The following VPS36 variants were observed in gnomAD, a reference collection of about 807,000 sequenced individuals.
VPS36 encodes vacuolar protein-sorting-associated protein 36.
VPS36 carries 31 observed loss-of-function variants against 63.5 expected under a neutral mutation model. The ratio of observed to expected loss-of-function variants is 0.49; its 90% CI spans 0.37 to 0.66. VPS36 has a LOEUF of 0.66. Among genes scored for constraint, VPS36 ranks in the 30% least tolerant of loss-of-function variants. The pLI, the probability that VPS36 is intolerant of heterozygous loss-of-function variation, is 0.00. For synonymous variants in VPS36, 138 were observed against 157.2 expected (o/e 0.88, Z 0.91); for missense variants, 338 against 463.7 (o/e 0.73, Z 2.49).
intron 4 of VPS36, among the ~76,000 whole-genome samples, chr13:52,435,440 C>A (rs141211616): frequency 7.3e-5 from 11 of 151,574 alleles, no homozygotes; most frequent in Non-Finnish European, 1.6e-4. Flanking sequence ...GTGGGCTATT[C>A]TCAACAAAGA....
chr13:52,444,301 A>G (rs989079795), intron 1 of VPS36, among the ~76,000 whole-genome samples: 2 of 151,922 alleles, frequency 1.3e-5, no homozygotes. Flanking sequence ...ACTTTAAAAA[A>G]TACAAAAAAT....
At chr13:52,438,159 G>C (rs1958237927) in intron 3 of VPS36, among the ~76,000 whole-genome samples, 2 of 151,680 alleles carry the variant, frequency 1.3e-5, no homozygotes, top group Admixed American at 6.6e-5. Flanking sequence ...TTTTAGTTTA[G>C]ATTTCCTTGG....
In VPS36 at chr13:52,436,331, A is replaced by C. The variant is rs758434923; in HGVS notation, c.310T>G (p.Ser104Ala). Reference protein sequence around the residue: ...EPGPFQSSKNSYIKLSFKEHG... With the variant: ...EPGPFQSSKNAYIKLSFKEHG... ...TCTTTGAAGGAGAGTTTGATGTAGGAGTTCTTACTACTCTGGAATGGGCCA... is the reference window on the plus strand; with the variant it reads ...TCTTTGAAGGAGAGTTTGATGTAGGCGTTCTTACTACTCTGGAATGGGCCA... Residue 104 changes from serine to alanine, a missense_variant, in exon 4 of 14, where the codon TCC becomes GCC. Transcript: ENST00000378060. The C allele has an allele frequency of 9.3e-6, 15 of 1,613,144 alleles. No homozygotes were observed. The South Asian group carries it at 1.7e-4, about 18-fold the overall frequency.
rs191527803 is a variant in VPS36, at chr13:52,447,300, A to G, written c.96+3199T>C. ...TGAGATGAGCATTCTCATATGTAATATTTTTATGCATTTCTGATTATTTCC... is the reference window on the plus strand; with the variant it reads ...TGAGATGAGCATTCTCATATGTAATGTTTTTATGCATTTCTGATTATTTCC... On this transcript the variant is annotated intron_variant, in intron 1 of 13. Transcript: ENST00000378060. 8.4e-4 allele frequency among the ~76,000 whole-genome samples: 128 copies of G among 152,292 alleles called. 1 individual carries two copies. Among genetic ancestry groups the G allele is most frequent in the African/African-American group, 3.0e-3 (123 of 41,570 alleles).
intron 6 of VPS36, among the ~76,000 whole-genome samples, chr13:52,431,957 A>C (rs1434364930): frequency 1.3e-5 from 2 of 152,170 alleles, no homozygotes; most frequent in Non-Finnish European, 2.9e-5. Context: ...CCACTGGCCA[A>C]AGATGGGACA....
At position 52,415,948 on chromosome 13, in the gene VPS36, C is replaced by T. The variant is rs556991280; in HGVS notation, c.1068-25G>A. 28 of 1,612,914 alleles carry T rather than the reference C, an allele frequency of 1.7e-5. No individual in the cohort carries two copies. In the African/African-American group the frequency reaches 3.5e-4, roughly 20 times the overall value. On this transcript the variant is annotated intron_variant, in intron 13 of 13. Transcript: ENST00000378060. ...CCTAAAAAAAAACAACAAAAAAACC[C>T]CCACACAATTATCTGTTCATGCAGA...
At chr13:52,415,981 A>C (rs905900442) in intron 13 of VPS36, 36 bp downstream of exon 13, 1 of 1,612,762 alleles carries the variant, frequency 6.2e-7, no homozygotes, top group Non-Finnish European at 8.5e-7. Flanking sequence ...AGACACACAA[A>C]CATACATTGT....
At chr13:52,433,088 T>G (rs2137793673) in intron 6 of VPS36, among the ~76,000 whole-genome samples, 1 of 152,360 alleles carries the variant, frequency 6.6e-6, no homozygotes, top group South Asian at 2.1e-4. Context: ...TTACAGAATC[T>G]AATGCATAAC....
chr13:52,445,638 C>CAAAAAAAAAAAAAA (rs1260034533), intron 1 of VPS36, among the ~76,000 whole-genome samples: 4 of 36,784 alleles, frequency 1.1e-4, no homozygotes, highest in African/African-American at 3.4e-4. Context: ...GACTCCGTCT[C>CAAAAAAAAAAAAAA]AAAAAAAAAA....
At chr13:52,426,646 G>C (rs1211055934) in intron 8 of VPS36, among the ~76,000 whole-genome samples, 1 of 152,206 alleles carries the variant, frequency 6.6e-6, no homozygotes, top group Non-Finnish European at 1.5e-5. Flanking sequence ...ACGAGGTCAG[G>C]AGATCGAGAC....
At chr13:52,416,385 T>A (rs1287880758) in intron 12 of VPS36, 1 of 285,154 alleles carries the variant, frequency 3.5e-6, no homozygotes, top group Non-Finnish European at 6.5e-6. Context: ...CTATTTGATA[T>A]TCTGAAAAGG....
chr13:52,424,864 T>C (rs1459203524), intron 9 of VPS36, among the ~76,000 whole-genome samples: 1 of 151,870 alleles, frequency 6.6e-6, no homozygotes, highest in African/African-American at 2.4e-5. Flanking sequence ...GGTGGGCGCC[T>C]GTAATCCCAG....
chr13:52,433,343 A>T (rs1220136425), intron 6 of VPS36, among the ~76,000 whole-genome samples: 3 of 152,264 alleles, frequency 2.0e-5, no homozygotes, highest in Non-Finnish European at 4.4e-5. Flanking sequence ...TTCAACTTCC[A>T]AAATAATTAT....
At chr13:52,443,888 G>A (rs1958306857) in intron 1 of VPS36, among the ~76,000 whole-genome samples, 1 of 152,060 alleles carries the variant, frequency 6.6e-6, no homozygotes, top group Admixed American at 6.5e-5. Flanking sequence ...TTAAAAGCAA[G>A]ATATATATTG....
chr13:52,416,391 A>C lies in VPS36; in HGVS notation c.991-298T>G, dbSNP rs541645281. On this transcript the variant is annotated intron_variant, in intron 12 of 13. Coordinates refer to ENST00000378060, the MANE Select transcript of VPS36 (RefSeq NM_016075.4). ...TAAAAAGAACTATTTGATATTCTGA[A>C]AAGGAATATGTAACAAATTCTGAGT... 5.0e-5 allele frequency: 14 copies of C among 277,550 alleles called. No homozygotes were observed. The East Asian group carries it at 1.1e-3, about 21-fold the overall frequency. 17.2% of individuals were successfully genotyped at this position (277,550 alleles called of 1,614,324 possible). A position where few individuals can be genotyped will look rare whatever the true frequency, so the allele number is the denominator to read the frequency against.
intron 1 of VPS36, 155 bp downstream of exon 1, chr13:52,450,344 A>C (rs1174816222): frequency 4.8e-5 from 57 of 1,187,714 alleles, no homozygotes; most frequent in Non-Finnish European, 7.3e-6. Context: ...GGAGCGCAAG[A>C]GCGCTGCACC....
At chr13:52,417,246 CA>C in intron 11 of VPS36, 105 bp from the exon 12 acceptor site, 8 of 847,206 alleles carry the variant, frequency 9.4e-6, no homozygotes, top group Non-Finnish European at 1.5e-5. Context: ...GATATGAGGG[CA>C]ATATTAAACA....
rs1167973976 is a variant in VPS36 at position 52,439,149 on chromosome 13, A to G, written c.185T>C (p.Leu62Pro). 6.2e-7 allele frequency: 1 copy of G among 1,613,910 alleles called. No individual in the cohort carries two copies. Among genetic ancestry groups the G allele is most frequent in the Admixed American group, 1.7e-5 (1 of 60,018 alleles). ...TTCAATGAACACAATTTGGGAAAGG[A>G]GAATGGCCATGCAACACTCCTAGGA... ...QKNHECCMAI[L>P]LSQIVFIEEQ... is the part of the protein sequence containing the mutation. Residue 62 changes from leucine (L) to proline (P), a missense_variant, in exon 3 of 14, where the codon CTC becomes CCC. By Grantham distance (98) the Leu-to-Pro change is moderately conservative. Coordinates refer to ENST00000378060, the MANE Select transcript of VPS36 (RefSeq NM_016075.4).
At chr13:52,419,729 A>G (rs1329845264) in intron 10 of VPS36, among the ~76,000 whole-genome samples, 1 of 152,244 alleles carries the variant, frequency 6.6e-6, no homozygotes, top group African/African-American at 2.4e-5. Flanking sequence ...AACAGTCAAC[A>G]TCATTTGCAA....
Sources: allele counts gnomAD v4.1 joint callset (sites outside exome capture counted in the v4.1 genomes callset), GRCh38; gene constraint gnomAD v4.1.1; transcripts MANE v1.5; gene names NCBI Gene and HGNC (gene_info 2026-07-23, HGNC 2026-07-21).